Variants in PCNX1 observed in about 807,000 individuals in gnomAD.
PCNX1 encodes pecanex-like protein 1.
PCNX1 carries 78 observed loss-of-function variants against 242.2 expected under a neutral mutation model. The observed-to-expected ratio is 0.32, with a 90% CI of 0.27 to 0.39. The LOEUF is 0.39. Ranked by LOEUF, PCNX1 falls within the 10% of genes least tolerant of loss-of-function variation. The pLI is 1.00. For synonymous variants in PCNX1, 1,024 were observed against 1,032.9 expected, an observed-to-expected ratio of 0.99 and a Z score of 0.17; for missense variants, 2,581 against 2,856.5, an observed-to-expected ratio of 0.90 and a Z score of 2.20.
intron 5 of PCNX1, among the ~76,000 whole-genome samples, chr14:70,972,842 GAA>G (rs2058581642): frequency 1.3e-5 from 2 of 152,164 alleles, no homozygotes; most frequent in Admixed American, 6.5e-5. Flanking sequence ...GTCCCCATGG[GAA>G]TATGAGGGCT....
rs1472824517 is a variant in PCNX1 at position 71,076,338 on chromosome 14, C to G, written c.5256C>G (p.His1752Gln). Reference sequence around the variant, plus strand: ...CAAACATTGATGAAGACTATGACCACCGACTGGCAGGCATATCTAGGGAGA... The same window carrying G: ...CAAACATTGATGAAGACTATGACCAGCGACTGGCAGGCATATCTAGGGAGA... ...FNPNIDEDYD[H>Q]RLAGISRESF... Residue 1752 changes from histidine (H) to glutamine (Q), a missense_variant, in exon 28 of 36, where the codon CAC (histidine) becomes CAG (glutamine). Coordinates refer to ENST00000304743, the MANE Select transcript of PCNX1 (RefSeq NM_014982.3). 1 of 1,613,864 alleles carries G rather than the reference C, an allele frequency of 6.2e-7. No individual in the cohort carries two copies. The highest frequency in any genetic ancestry group is 8.5e-7 in the Non-Finnish European group (1 of 1,179,886).
intron 27 of PCNX1, among the ~76,000 whole-genome samples, chr14:71,074,990 C>CTCTTTTTT (rs1159668298): frequency 1.5e-3 from 150 of 101,120 alleles, no homozygotes; most frequent in African/African-American, 5.6e-3. Flanking sequence ...CTTTTCTTCT[C>CTCTTTTTT]TTTTTTTTTT....
intron 1 of PCNX1, among the ~76,000 whole-genome samples, chr14:70,936,100 A>G (rs184206427): frequency 5.3e-5 from 8 of 152,338 alleles, no homozygotes; most frequent in African/African-American, 1.7e-4. Context: ...TATTAAAGCT[A>G]TAAATTAAAC....
intron 7 of PCNX1, among the ~76,000 whole-genome samples, chr14:70,990,794 A>G (rs888059003): frequency 3.3e-5 from 5 of 152,096 alleles, no homozygotes; most frequent in Non-Finnish European, 7.3e-5. Flanking sequence ...TCCTGCCTGA[A>G]GTAACTTTTC....
At chr14:70,994,595 A>G (rs1173089688) in intron 7 of PCNX1, among the ~76,000 whole-genome samples, 4 of 151,694 alleles carry the variant, frequency 2.6e-5, no homozygotes, top group Non-Finnish European at 2.9e-5. Flanking sequence ...CATTCTAAGT[A>G]GGATTCTTTT....
intron 6 of PCNX1, among the ~76,000 whole-genome samples, chr14:70,980,873 T>C (rs2058818563): frequency 6.6e-6 from 1 of 152,154 alleles, no homozygotes; most frequent in Non-Finnish European, 1.5e-5. Context: ...GCATAAACCA[T>C]AGGTAGATTT....
intron 30 of PCNX1, among the ~76,000 whole-genome samples, chr14:71,096,725 G>T (rs2062294027): frequency 6.6e-6 from 1 of 152,126 alleles, no homozygotes; most frequent in South Asian, 2.1e-4. Context: ...AGTATATTAT[G>T]AATGCTATCT....
At chr14:70,989,470 A>G (rs536769198) in intron 7 of PCNX1, among the ~76,000 whole-genome samples, 2 of 151,940 alleles carry the variant, frequency 1.3e-5, no homozygotes, top group Non-Finnish European at 2.9e-5. Flanking sequence ...TGAATTAGAA[A>G]TATAAAAATC....
At position 70,907,618 on chromosome 14, in the gene PCNX1, C is replaced by T. The variant is rs1339376128; in HGVS notation, c.-233C>T. 1.4e-5 allele frequency: 4 copies of T among 290,838 alleles called. No individual in the cohort carries two copies. The highest frequency in any genetic ancestry group is 1.5e-4 in the South Asian group (1 of 6,800). 18.0% of individuals were successfully genotyped at this position (290,838 alleles called of 1,614,324 possible). A position where few individuals can be genotyped will look rare whatever the true frequency, so the allele number is the denominator to read the frequency against. ...AGAAGGCCGGTCTCCTCCTCTCCGC[C>T]GTCCTCCGCCCCGCCGCTCGCCGCC... On this transcript the variant is annotated 5_prime_UTR_variant, in exon 1 of 36. Transcript: ENST00000304743.
chr14:70,988,429 C>A, intron 6 of PCNX1, 138 bp from the exon 7 acceptor site: 1 of 659,812 alleles, frequency 1.5e-6, no homozygotes, highest in African/African-American at 1.8e-5. Context: ...GATAGATTGA[C>A]AGTATACATG....
chr14:71,113,899 T>C lies in PCNX1; in HGVS notation c.*3964T>C, dbSNP rs1016142944. 1.3e-5 allele frequency: 2 copies of C among 152,164 alleles called. No homozygotes were observed. Among genetic ancestry groups the C allele is most frequent in the African/African-American group, 4.8e-5 (2 of 41,450 alleles). 9.4% of individuals were successfully genotyped at this position (152,164 alleles called of 1,614,324 possible). A position where few individuals can be genotyped will look rare whatever the true frequency, so the allele number is the denominator to read the frequency against. ...TGTTTTTTAAGTCGTCATTATTCAT[T>C]CGTATTCTTTTTCTGTGTAATGTAA... On this transcript the variant is annotated 3_prime_UTR_variant, in exon 36 of 36. Transcript: ENST00000304743.
At chr14:70,960,728 CCT>C (rs1436338388) in intron 2 of PCNX1, among the ~76,000 whole-genome samples, 3 of 152,062 alleles carry the variant, frequency 2.0e-5, no homozygotes, top group Non-Finnish European at 4.4e-5. Flanking sequence ...TCAAATTGTC[CCT>C]GTTTGCAGGT....
chr14:70,970,901 A>G (rs139646863), intron 5 of PCNX1, among the ~76,000 whole-genome samples: 32 of 152,282 alleles, frequency 2.1e-4, no homozygotes, highest in African/African-American at 7.2e-4. Context: ...GTCCTCTTCT[A>G]AGCATTTTAT....
intron 18 of PCNX1, among the ~76,000 whole-genome samples, chr14:71,034,585 CT>C (rs1436333166): frequency 6.6e-6 from 1 of 152,060 alleles, no homozygotes; most frequent in Non-Finnish European, 1.5e-5. Context: ...TGCTTGTATT[CT>C]TTTAGTAATT....
chr14:71,019,587 A>G (rs1041340945), intron 12 of PCNX1, among the ~76,000 whole-genome samples: 3 of 152,114 alleles, frequency 2.0e-5, no homozygotes, highest in Non-Finnish European at 4.4e-5. Context: ...TTTTTAGTAG[A>G]GACGGGGTTT....
chr14:70,992,200 C>T (rs879803692), intron 7 of PCNX1, among the ~76,000 whole-genome samples: 11 of 151,898 alleles, frequency 7.2e-5, no homozygotes, highest in Non-Finnish European at 1.3e-4. Flanking sequence ...CATTTATCAT[C>T]CTAAATGTGT....
At position 71,105,375 on chromosome 14, in the gene PCNX1, G is replaced by A. The variant is rs989948515; in HGVS notation, c.6236G>A (p.Gly2079Glu). 6.2e-7 allele frequency: 1 copy of A among 1,614,090 alleles called. No homozygotes were observed. Among genetic ancestry groups the A allele is most frequent in the Non-Finnish European group, 8.5e-7 (1 of 1,179,988 alleles). The stretch of plus-strand genomic sequence containing the variant: ...AGCAACGTGACCCAGGGAAGCATTG[G>A]AAATCCTGGGCAGGGATCAGGAACT... The part of the protein sequence containing the change: ...PHSNVTQGSI[G>E]NPGQGSGTGL... The change falls in exon 33 of 36, where the codon GGA becomes GAA. Residue 2079 changes from glycine (G) to glutamate (E), a missense_variant. By Grantham distance (98) the Gly-to-Glu change is moderately conservative. Transcript: ENST00000304743.
chr14:71,096,985 C>T (rs979562609), intron 30 of PCNX1, among the ~76,000 whole-genome samples: 3 of 152,052 alleles, frequency 2.0e-5, no homozygotes, highest in Non-Finnish European at 4.4e-5. Context: ...GAAGGATGTA[C>T]CTCCCTCCTC....
chr14:71,110,299 C>A lies in PCNX1; in HGVS notation c.*364C>A. On this transcript the variant is annotated 3_prime_UTR_variant, in exon 36 of 36. Transcript: ENST00000304743. The stretch of plus-strand genomic sequence containing the variant: ...ATCTCATATTTTTCTAATTTCTTTG[C>A]CAAAAATAATTGCCATGTTTTGTCA... 3.2e-6 allele frequency: 1 copy of A among 312,476 alleles called. No homozygotes were observed. The highest frequency in any genetic ancestry group is 6.2e-6 in the Non-Finnish European group (1 of 160,492). 19.4% of individuals were successfully genotyped at this position (312,476 alleles called of 1,614,324 possible). A position where few individuals can be genotyped will look rare whatever the true frequency, so the allele number is the denominator to read the frequency against.
Sources: gnomAD v4.1 joint callset for allele counts (sites outside exome capture counted in the v4.1 genomes callset) on GRCh38, gnomAD v4.1.1 for gene constraint, MANE v1.5 for transcripts, NCBI Gene and HGNC (gene_info 2026-07-23, HGNC 2026-07-21) for gene names.